Variants in ARID1B observed in about 807,000 individuals in gnomAD.
ARID1B encodes AT-rich interactive domain-containing protein 1B.
In ARID1B, 30 loss-of-function variants were observed where a neutral mutation model predicts 212.3. The observed-to-expected ratio is 0.14, with a 90% CI of 0.11 to 0.19. The LOEUF (loss-of-function observed/expected upper bound fraction) is 0.19. Ranked by LOEUF, ARID1B falls within the 10% of genes least tolerant of loss-of-function variation. The pLI is 1.00. For missense variants in ARID1B, 2,891 were observed against 3,204.0 expected, an observed-to-expected ratio of 0.90 and a Z score of 2.36; for synonymous variants, 1,402 against 1,301.7, an observed-to-expected ratio of 1.08 and a Z score of -1.66.
intron 4 of ARID1B, among the ~76,000 whole-genome samples, chr6:156,945,582 G>A (rs1222083104): frequency 6.6e-6 from 1 of 152,056 alleles, no homozygotes; most frequent in Non-Finnish European, 1.5e-5. Flanking sequence ...GGGTGGTTGA[G>A]CTGTGCAGTG....
intron 4 of ARID1B, among the ~76,000 whole-genome samples, chr6:157,054,390 A>ATTTGGT (rs1441226298): frequency 6.6e-6 from 1 of 152,186 alleles, no homozygotes; most frequent in Non-Finnish European, 1.5e-5. Flanking sequence ...CCAATTAAAT[A>ATTTGGT]TTTGGTTTTT....
At chr6:157,020,371 A>C (rs1042356325) in intron 4 of ARID1B, among the ~76,000 whole-genome samples, 2 of 152,220 alleles carry the variant, frequency 1.3e-5, no homozygotes, top group African/African-American at 4.8e-5. Flanking sequence ...TCAAAACCAA[A>C]AACCAGTCCA....
intron 6 of ARID1B, among the ~76,000 whole-genome samples, chr6:157,131,570 G>A (rs1375893618): frequency 6.6e-6 from 1 of 152,186 alleles, no homozygotes; most frequent in Non-Finnish European, 1.5e-5. Flanking sequence ...TGGAGGGGGA[G>A]AAAGCTCTAG....
chr6:157,080,941 A>G (rs572105503), intron 4 of ARID1B, among the ~76,000 whole-genome samples: 5 of 152,388 alleles, frequency 3.3e-5, no homozygotes, highest in African/African-American at 1.2e-4. Flanking sequence ...GAAAGTAATC[A>G]GTATTCCGAG....
At position 156,843,342 on chromosome 6, in the gene ARID1B, G is replaced by A. The variant is rs548157242; in HGVS notation, c.1986+13921G>A. ...AAGTGTTTCACTGGAAAGAAAAACA[G>A]TTCATGCTGTAAGTTAAGCTTACTT... On this transcript the variant is annotated intron_variant, in intron 2 of 19. Transcript: ENST00000636930. Among the ~76,000 whole-genome samples the A allele has an allele frequency of 2.0e-5, 3 of 152,320 alleles. No homozygotes were observed. The South Asian group carries it at 6.2e-4, about 32-fold the overall frequency.
chr6:156,945,101 A>ATT (rs1176770045), intron 4 of ARID1B, among the ~76,000 whole-genome samples: 1 of 107,138 alleles, frequency 9.3e-6, no homozygotes, highest in Non-Finnish European at 2.0e-5. Flanking sequence ...TTTTTTGTAT[A>ATT]TTTTTTTTTT....
chr6:156,879,961 G>T (rs531149552), intron 2 of ARID1B, among the ~76,000 whole-genome samples: 1 of 152,228 alleles, frequency 6.6e-6, no homozygotes, highest in Non-Finnish European at 1.5e-5. Context: ...ATGGCAAACA[G>T]TGATCAGAGG....
At chr6:157,167,705 T>G (rs911156367) in intron 9 of ARID1B, 1 of 152,914 alleles carries the variant, frequency 6.5e-6, no homozygotes, top group Non-Finnish European at 1.5e-5. Flanking sequence ...TGTTTCATGA[T>G]GTTTAGTTAT....
chr6:157,071,075 T>C (rs1783978881), intron 4 of ARID1B: 1 of 152,244 alleles, frequency 6.6e-6, no homozygotes, highest in Non-Finnish European at 1.5e-5. Context: ...ATTTAATTTC[T>C]AAGTAACATT....
At chr6:156,975,992 C>A (rs1327106145) in intron 4 of ARID1B, among the ~76,000 whole-genome samples, 1 of 151,814 alleles carries the variant, frequency 6.6e-6, no homozygotes, top group Non-Finnish European at 1.5e-5. Flanking sequence ...TTACAAAGTA[C>A]CTTCTCAAGG....
chr6:156,852,203 A>G (rs933642860), intron 2 of ARID1B, among the ~76,000 whole-genome samples: 3 of 152,136 alleles, frequency 2.0e-5, no homozygotes, highest in Non-Finnish European at 2.9e-5. Flanking sequence ...ATCCTAGCAC[A>G]CTGGGAGGCC....
chr6:156,815,085 T>G (rs1264946635), intron 1 of ARID1B, among the ~76,000 whole-genome samples: 1 of 152,228 alleles, frequency 6.6e-6, no homozygotes, highest in Non-Finnish European at 1.5e-5. Context: ...ATACTTTGTG[T>G]CTCCATTGTA....
chr6:156,966,400 T>C (rs1305833879), intron 4 of ARID1B, among the ~76,000 whole-genome samples: 2 of 145,560 alleles, frequency 1.4e-5, no homozygotes, highest in African/African-American at 5.3e-5. Flanking sequence ...TTTTTTTTTT[T>C]TTTTTTTTTT....
At position 157,210,334 on chromosome 6, in the gene ARID1B, A is replaced by G. The variant is rs983462647; in HGVS notation, c.*2443A>G. 8.7e-6 allele frequency: 2 copies of G among 230,154 alleles called. No individual in the cohort carries two copies. The highest frequency in any genetic ancestry group is 4.4e-5 in the African/African-American group (2 of 45,178). The allele number at this position is 230,154 out of a possible 1,614,324, so 14.3% of individuals were successfully genotyped here. A position where few individuals can be genotyped will look rare whatever the true frequency, so the allele number is the denominator to read the frequency against. On this transcript the variant is annotated 3_prime_UTR_variant, in exon 20 of 20. Coordinates refer to ENST00000636930, the MANE Select transcript of ARID1B (RefSeq NM_001374828.1). ...TTCTCTCTTACAGAGTACAAATAAA[A>G]GGTGTATACAAACTCCGAACATATC...
At chr6:156,881,666 T>C (rs1227379195) in intron 2 of ARID1B, among the ~76,000 whole-genome samples, 1 of 152,230 alleles carries the variant, frequency 6.6e-6, no homozygotes, top group African/African-American at 2.4e-5. Context: ...ATCTCCAGTG[T>C]TCCTGTCCCC....
At chr6:157,185,306 T>A (rs1219158566) in intron 13 of ARID1B, 1 of 152,382 alleles carries the variant, frequency 6.6e-6, no homozygotes, top group African/African-American at 2.4e-5. Flanking sequence ...CATTCTCTTA[T>A]CTGTGTCTGC....
chr6:156,896,671 G>A (rs1788421092), intron 2 of ARID1B, among the ~76,000 whole-genome samples: 1 of 150,554 alleles, frequency 6.6e-6, no homozygotes, highest in Non-Finnish European at 1.5e-5. Flanking sequence ...ACGAGGTCAA[G>A]AGATCGATAC....
At chr6:156,924,335 A>AT (rs1791052186) in intron 3 of ARID1B, among the ~76,000 whole-genome samples, 1 of 152,130 alleles carries the variant, frequency 6.6e-6, no homozygotes, top group South Asian at 2.1e-4. Context: ...AGGATGTGCT[A>AT]TTTTTTTCTT....
chr6:156,778,292 A>G lies in ARID1B; in HGVS notation c.612A>G (p.Gln204=), dbSNP rs78253128. Residue 204 remains glutamine (Q), a synonymous_variant, in exon 1 of 20, where the codon CAA becomes CAG. Transcript: ENST00000636930. ...NQFQQQQQQQ[Q]QQQQQQQQQQ... ...TCCAGCAGCAGCAGCAGCAGCAGCA[A>G]CAGCAGCAGCAGCAGCAGCAGCAAC... 4.3e-3 allele frequency: 6,552 copies of G among 1,517,812 alleles called. 7 individuals are homozygous for G. Among genetic ancestry groups the G allele is most frequent in the African/African-American group, 5.6e-3 (358 of 64,356 alleles). 94.0% of individuals were successfully genotyped at this position (1,517,812 alleles called of 1,614,324 possible).
Sources: allele counts gnomAD v4.1 joint callset (sites outside exome capture counted in the v4.1 genomes callset), GRCh38; gene constraint gnomAD v4.1.1; transcripts MANE v1.5; gene names NCBI Gene and HGNC (gene_info 2026-07-23, HGNC 2026-07-21).